GTF3C2: variants seen among roughly 807,000 people sequenced by gnomAD.
GTF3C2 encodes the protein general transcription factor 3C polypeptide 2.
A neutral mutation model predicts 117.4 loss-of-function variants in GTF3C2; 17 were observed. The observed-to-expected ratio is 0.14, with a 90% CI of 0.10 to 0.22. GTF3C2 has a LOEUF of 0.22. GTF3C2 is among the 10% of genes least tolerant of loss of function. The pLI, the probability that GTF3C2 is intolerant of heterozygous loss-of-function variation, is 1.00. For synonymous variants in GTF3C2, 437 were observed against 427.0 expected (o/e 1.02, Z -0.29); for missense variants, 888 against 1,143.6 (o/e 0.78, Z 3.22).
chr2:27,346,330 C>CTTTTTTTTTTTTTTTT (rs144256545), intron 1 of GTF3C2, among the ~76,000 whole-genome samples: 1 of 64,302 alleles, frequency 1.6e-5, no homozygotes, highest in Non-Finnish European at 2.9e-5. Flanking sequence ...ATTCTGATAC[C>CTTTTTTTTTTTTTTTT]TTTTTTTTTT....
At chr2:27,339,950 G>GCACTCCA (rs1204690480) in intron 4 of GTF3C2, 1 of 137,682 alleles carries the variant, frequency 7.3e-6, no homozygotes, top group Non-Finnish European at 1.5e-5. Flanking sequence ...TCACTCCACT[G>GCACTCCA]CACTCCAGCC....
chr2:27,343,773 C>T (rs796804838), intron 1 of GTF3C2, 195 bp from the exon 2 acceptor site: 35 of 523,402 alleles, frequency 6.7e-5, no homozygotes, highest in African/African-American at 3.8e-4. Flanking sequence ...GAGCCAGGTG[C>T]GGTGGCTCAC....
exon 3 of GTF3C2, chr2:27,343,059 T>C: frequency 6.2e-7 from 1 of 1,613,796 alleles, no homozygotes; most frequent in Middle Eastern, 1.6e-4. Context: ...GTTGGGGCCT[T>C]TTGGGGCCTT....
At chr2:27,325,950 A>AG (rs1680060099) in exon 19 of GTF3C2, 1 of 200,390 alleles carries the variant, frequency 5.0e-6, no homozygotes, top group Non-Finnish European at 1.1e-5. Flanking sequence ...GAAGATGACT[A>AG]GATTTCCTAA....
chr2:27,351,008 T>C (rs953453739), intron 1 of GTF3C2, among the ~76,000 whole-genome samples: 1 of 151,582 alleles, frequency 6.6e-6, no homozygotes, highest in Non-Finnish European at 1.5e-5. Context: ...CTTAGCTACT[T>C]GGGAGACTGA....
chr2:27,339,713 G>A (rs1244765116), intron 4 of GTF3C2: 3 of 151,934 alleles, frequency 2.0e-5, no homozygotes, highest in African/African-American at 7.3e-5. Context: ...TCTGTCAGGT[G>A]TGGTGGCTCA....
intron 12 of GTF3C2, among the ~76,000 whole-genome samples, chr2:27,332,123 G>A (rs1680293167): frequency 1.3e-5 from 2 of 152,094 alleles, no homozygotes; most frequent in African/African-American, 4.8e-5. Flanking sequence ...ATAAAATTAA[G>A]ATATAATTAA....
At position 27,342,602 on chromosome 2, in the gene GTF3C2, G is replaced by C. The variant is rs1680774680; in HGVS notation, c.569+224C>G. ...AGCTGGGTAAAGTTTGTGAAAAATGGCATAGGACATAAAGTACAGACAATA... is the reference window on the plus strand; with the variant it reads ...AGCTGGGTAAAGTTTGTGAAAAATGCCATAGGACATAAAGTACAGACAATA... On this transcript the variant is annotated intron_variant, in intron 3 of 18. Coordinates refer to ENST00000264720, the Ensembl canonical transcript of GTF3C2. 5.3e-6 allele frequency: 3 copies of C among 569,834 alleles called. No homozygotes were observed. In the East Asian group the frequency reaches 8.6e-5, roughly 16 times the overall value. The allele number at this position is 569,834 out of a possible 1,614,324, so 35.3% of individuals were successfully genotyped here.
At chr2:27,328,051 G>C in exon 17 of GTF3C2, 1 of 1,609,108 alleles carries the variant, frequency 6.2e-7, no homozygotes, top group East Asian at 2.2e-5. Context: ...TCTGTGTCTT[G>C]AAAGAGCAAG....
In GTF3C2 at chr2:27,329,244, T is replaced by C; in HGVS notation, c.1916A>G (p.Lys639Arg). ...GTAAGGACGTCGAAGGTCCCAGAAT[T>C]TGATTTTCCGGTCACTCCCCGCAGA... The change falls in exon 14 of 19, where the codon AAA becomes AGA. Residue 639 changes from lysine (K) to arginine (R), a missense_variant. Coordinates refer to ENST00000264720, the Ensembl canonical transcript of GTF3C2. This position sits in a 1 kb window ranked among gnomAD's most constrained non-coding sequence, Gnocchi z 4.5. 6.2e-7 allele frequency: 1 copy of C among 1,614,212 alleles called. No individual in the cohort carries two copies. Among genetic ancestry groups the C allele is most frequent in the Non-Finnish European group, 8.5e-7 (1 of 1,180,028 alleles).
chr2:27,349,363 G>A (rs2148333055), intron 1 of GTF3C2, among the ~76,000 whole-genome samples: 1 of 149,236 alleles, frequency 6.7e-6, no homozygotes, highest in Admixed American at 6.8e-5. Flanking sequence ...TAGCCAGGAT[G>A]GTCTCGATCT....
intron 10 of GTF3C2, chr2:27,335,394 T>C: frequency 1.4e-6 from 1 of 701,576 alleles, no homozygotes; most frequent in Non-Finnish European, 2.7e-6. Context: ...TAAAAGGAAA[T>C]GTGCTGAAAG....
intron 7 of GTF3C2, chr2:27,336,820 G>A (rs1477829181): frequency 1.4e-5 from 3 of 221,202 alleles, no homozygotes; most frequent in Non-Finnish European, 1.8e-5. Context: ...ATGTTTCCTA[G>A]GCTGGTCTTG....
At chr2:27,339,512 G>C (rs1680639659) in intron 4 of GTF3C2, 1 of 151,098 alleles carries the variant, frequency 6.6e-6, no homozygotes, top group Non-Finnish European at 1.5e-5. Context: ...ATGATTTGTT[G>C]CATTGATTTT....
intron 7 of GTF3C2, chr2:27,336,712 GGT>G: frequency 2.8e-6 from 1 of 360,556 alleles, no homozygotes; most frequent in Admixed American, 4.4e-5. Flanking sequence ...AGGCTCAAGT[GGT>G]TATCCCACCT....
intron 1 of GTF3C2, among the ~76,000 whole-genome samples, chr2:27,348,418 G>GTTGA (rs1481692035): frequency 1.3e-5 from 2 of 151,146 alleles, no homozygotes; most frequent in Non-Finnish European, 3.0e-5. Context: ...CCAGCCTGGA[G>GTTGA]TTGAGACTCT....
intron 1 of GTF3C2, among the ~76,000 whole-genome samples, chr2:27,352,453 A>G (rs1435722331): frequency 1.3e-5 from 2 of 152,158 alleles, no homozygotes; most frequent in Non-Finnish European, 2.9e-5. Context: ...TTCACTCTCT[A>G]ACACCAAACC....
At chr2:27,349,946 G>T (rs1681067083) in intron 1 of GTF3C2, among the ~76,000 whole-genome samples, 1 of 151,792 alleles carries the variant, frequency 6.6e-6, no homozygotes, top group Admixed American at 6.6e-5. Context: ...AGCCCAAAAG[G>T]GAGTAGTTTA....
chr2:27,326,498 T>A (rs1053675127), exon 19 of GTF3C2: 2 of 614,468 alleles, frequency 3.3e-6, no homozygotes, highest in African/African-American at 1.9e-5. Context: ...CGCAGGGGGC[T>A]GTGATCACAG....
Sources: allele counts gnomAD v4.1 joint callset (sites outside exome capture counted in the v4.1 genomes callset), GRCh38; gene constraint gnomAD v4.1.1; non-coding constraint Gnocchi (gnomAD v3.1); transcripts MANE v1.5; gene names NCBI Gene and HGNC (gene_info 2026-07-23, HGNC 2026-07-21).